MRTFB: variants seen among roughly 807,000 people sequenced by gnomAD.
MRTFB encodes the protein myocardin-related transcription factor B.
In MRTFB, 29 loss-of-function variants were observed where a neutral mutation model predicts 104.2. That is an observed-to-expected ratio of 0.28 (90% CI 0.21 to 0.38). MRTFB has a LOEUF of 0.38. Ranked by LOEUF, MRTFB falls within the 10% of genes least tolerant of loss-of-function variation. MRTFB has a pLI of 1.00. For missense variants in MRTFB, 1,270 were observed against 1,341.6 expected, an observed-to-expected ratio of 0.95 and a Z score of 0.83; for synonymous variants, 535 against 519.5, an observed-to-expected ratio of 1.03 and a Z score of -0.41.
At chr16:14,134,649 C>T (rs753385455) in intron 2 of MRTFB, among the ~76,000 whole-genome samples, 3 of 152,214 alleles carry the variant, frequency 2.0e-5, no homozygotes, top group Non-Finnish European at 1.5e-5. Context: ...CTTCAGTACA[C>T]ATGTTAAGGA....
chr16:14,170,944 TC>T (rs1467945275), intron 3 of MRTFB, among the ~76,000 whole-genome samples: 1 of 152,234 alleles, frequency 6.6e-6, no homozygotes, highest in African/African-American at 2.4e-5. Context: ...TTTTTGTTCT[TC>T]CTCCTTTTAT....
intron 16 of MRTFB, among the ~76,000 whole-genome samples, chr16:14,258,391 T>G (rs549229147): frequency 1.1e-3 from 169 of 152,284 alleles, no homozygotes; most frequent in African/African-American, 3.8e-3. Context: ...GCCCAGGAGT[T>G]CGAGACCAGC....
intron 8 of MRTFB, among the ~76,000 whole-genome samples, chr16:14,222,676 CAGG>C (rs1239487470): frequency 3.3e-5 from 5 of 151,494 alleles, no homozygotes; most frequent in Non-Finnish European, 7.4e-5. Context: ...CACTTGACCC[CAGG>C]AGTTCAAGAC....
intron 16 of MRTFB, among the ~76,000 whole-genome samples, chr16:14,259,307 G>A (rs1448069623): frequency 6.6e-6 from 1 of 151,496 alleles, no homozygotes; most frequent in African/African-American, 2.4e-5. Context: ...TTAGCCGGGT[G>A]TGGTGGCAGG....
At chr16:14,166,858 G>A (rs777205313) in intron 3 of MRTFB, among the ~76,000 whole-genome samples, 2 of 152,176 alleles carry the variant, frequency 1.3e-5, no homozygotes, top group African/African-American at 2.4e-5. Flanking sequence ...TTTTATGGCT[G>A]CACAGTATTC....
chr16:14,050,088 G>T, the MRTFB span, among the ~76,000 whole-genome samples: 1 of 152,160 alleles, frequency 6.6e-6, no homozygotes, highest in East Asian at 1.9e-4. Context: ...TTAAAAAAGT[G>T]TGTGTACATG....
chr16:14,201,499 G>A (rs2040702836), intron 3 of MRTFB, among the ~76,000 whole-genome samples: 1 of 152,192 alleles, frequency 6.6e-6, no homozygotes, highest in African/African-American at 2.4e-5. Context: ...AAATTTCTTA[G>A]ATGTTTGCAA....
At chr16:14,030,954 G>T in the MRTFB span, among the ~76,000 whole-genome samples, 3 of 152,196 alleles carry the variant, frequency 2.0e-5, no homozygotes, top group Non-Finnish European at 4.4e-5. Context: ...GGACTTGGGG[G>T]CGTAGGTTGT....
the MRTFB span, among the ~76,000 whole-genome samples, chr16:14,033,895 T>C: frequency 6.8e-6 from 1 of 147,224 alleles, no homozygotes. Flanking sequence ...ATAAAAACTG[T>C]GTGGTGAGTG....
At chr16:14,061,566 CT>C in the MRTFB span, among the ~76,000 whole-genome samples, 396 of 102,628 alleles carry the variant, frequency 3.9e-3, 1 homozygote, top group Middle Eastern at 0.011. Flanking sequence ...TCAAGGTCAT[CT>C]TTTTTTTTTT....
At chr16:14,061,327 C>T in the MRTFB span, among the ~76,000 whole-genome samples, 22 of 152,280 alleles carry the variant, frequency 1.4e-4, no homozygotes, top group African/African-American at 5.3e-4. Context: ...ACTCCTTGGC[C>T]AGAGCTAGTC....
chr16:14,030,024 C>T, the MRTFB span, among the ~76,000 whole-genome samples: 1 of 151,850 alleles, frequency 6.6e-6, no homozygotes, highest in Non-Finnish European at 1.5e-5. Context: ...GGAGTGAGAG[C>T]TGCCTGTGAT....
chr16:14,033,017 G>GT, the MRTFB span, among the ~76,000 whole-genome samples: 75 of 124,432 alleles, frequency 6.0e-4, no homozygotes, highest in East Asian at 3.6e-3. Context: ...TCCCTTTGTA[G>GT]TTTTTTTTTT....
chr16:14,140,282 G>T (rs9939585), intron 2 of MRTFB, among the ~76,000 whole-genome samples: 10,740 of 152,162 alleles, frequency 0.071, 718 homozygotes, highest in African/African-American at 0.17. Context: ...GCCACCAATG[G>T]CTATGACTTT....
rs2039617046 is a variant in MRTFB at position 14,177,324 on chromosome 16, G to T, written c.155-32919G>T. Reference sequence around the variant, plus strand: ...TAATTAAGCAGGCATAGTATCCAAGGCATTGGGACTGCAGAGATGAATAAA... The same window carrying T: ...TAATTAAGCAGGCATAGTATCCAAGTCATTGGGACTGCAGAGATGAATAAA... On this transcript the variant is annotated intron_variant, in intron 3 of 16. Transcript: ENST00000571589. The surrounding 1 kb of genome is among the most constrained non-coding windows in gnomAD (Gnocchi z 4.7). Among the ~76,000 whole-genome samples, 1 of 152,196 alleles carries T rather than the reference G, an allele frequency of 6.6e-6. No homozygotes were observed.
At chr16:14,002,766 G>A in the MRTFB span, among the ~76,000 whole-genome samples, 3 of 152,152 alleles carry the variant, frequency 2.0e-5, no homozygotes, top group South Asian at 6.2e-4. Flanking sequence ...AATTACGTAT[G>A]CATTTCCAGG....
intron 2 of MRTFB, among the ~76,000 whole-genome samples, chr16:14,112,993 C>T (rs1318533003): frequency 1.3e-5 from 2 of 152,102 alleles, no homozygotes; most frequent in Non-Finnish European, 2.9e-5. Flanking sequence ...GTATATTACA[C>T]GAGGGCAGAA....
At position 14,264,177 on chromosome 16, in the gene MRTFB, G is replaced by A. The variant is rs1043678599; in HGVS notation, c.*2733G>A. The stretch of plus-strand genomic sequence containing the variant: ...ATGCACGTGTGTGGTTTAAGCAGTG[G>A]TACTGTTGTATATCATATTGTAAAG... On this transcript the variant is annotated 3_prime_UTR_variant, in exon 17 of 17. Transcript: ENST00000571589. 6.6e-6 allele frequency: 1 copy of A among 152,156 alleles called. No individual in the cohort carries two copies. The highest frequency in any genetic ancestry group is 2.4e-5 in the African/African-American group (1 of 41,426). The allele number at this position is 152,156 out of a possible 1,614,324, so 9.4% of individuals were successfully genotyped here.
At chr16:14,106,149 T>C (rs2035963312) in intron 2 of MRTFB, among the ~76,000 whole-genome samples, 1 of 152,184 alleles carries the variant, frequency 6.6e-6, no homozygotes, top group Non-Finnish European at 1.5e-5. Context: ...AAAGGCAAGG[T>C]TCTCAACCCC....
Sources: gnomAD v4.1 joint callset for allele counts (sites outside exome capture counted in the v4.1 genomes callset) on GRCh38, gnomAD v4.1.1 for gene constraint, Gnocchi (gnomAD v3.1) non-coding constraint, MANE v1.5 for transcripts, NCBI Gene and HGNC (gene_info 2026-07-23, HGNC 2026-07-21) for gene names.